FAM120A: variants seen among roughly 807,000 people sequenced by gnomAD.
FAM120A encodes constitutive coactivator of PPAR-gamma-like protein 1.
FAM120A carries 15 observed loss-of-function variants against 109.7 expected under a neutral mutation model. That is an observed-to-expected ratio of 0.14 (90% CI 0.09 to 0.21). FAM120A has a LOEUF of 0.21. Among genes scored for constraint, FAM120A ranks in the 10% least tolerant of loss-of-function variants. The pLI, the probability that FAM120A is intolerant of heterozygous loss-of-function variation, is 1.00. For missense variants in FAM120A, 899 were observed against 1,439.3 expected (o/e 0.62, Z 6.07); for synonymous variants, 493 against 572.8 (o/e 0.86, Z 1.99).
intron 7 of FAM120A, among the ~76,000 whole-genome samples, chr9:93,526,174 C>T (rs1301978239): frequency 8.5e-5 from 13 of 152,188 alleles, no homozygotes; most frequent in Non-Finnish European, 1.5e-5. Flanking sequence ...CCACAGCCAT[C>T]CCTGCCTCAG....
chr9:93,543,335 C>T lies in FAM120A; in HGVS notation c.2023C>T (p.Leu675=). The T allele has an allele frequency of 1.2e-6, 2 of 1,614,146 alleles. No homozygotes were observed. The highest frequency in any genetic ancestry group is 1.7e-6 in the Non-Finnish European group (2 of 1,180,034). ...GTGGACCTGCCCCAACCTGAAGAGG[C>T]TGTGGTTGGGTAAGGCGGTAGAGGA... ...REWTCPNLKR[L]WLGKAVEDKN... The change falls in exon 11 of 18, where the codon CTG becomes TTG. Residue 675 remains leucine, a synonymous_variant. Transcript: ENST00000277165.
At chr9:93,453,767 G>C (rs1857410689) in intron 1 of FAM120A, among the ~76,000 whole-genome samples, 1 of 152,184 alleles carries the variant, frequency 6.6e-6, no homozygotes, top group African/African-American at 2.4e-5. Flanking sequence ...TCGGAGCCTG[G>C]GGCGCTCAGG....
intron 11 of FAM120A, among the ~76,000 whole-genome samples, chr9:93,544,300 A>G (rs988813923): frequency 6.6e-6 from 1 of 152,174 alleles, no homozygotes; most frequent in Admixed American, 6.5e-5. Context: ...TCCCTGCTCC[A>G]GCATCAGCCA....
chr9:93,475,655 A>G (rs1858517414), intron 2 of FAM120A, among the ~76,000 whole-genome samples: 1 of 152,222 alleles, frequency 6.6e-6, no homozygotes, highest in African/African-American at 2.4e-5. Flanking sequence ...AGACTGTGAC[A>G]GCACTGGTGA....
At chr9:93,484,922 G>A (rs560293955) in intron 3 of FAM120A, among the ~76,000 whole-genome samples, 1 of 152,182 alleles carries the variant, frequency 6.6e-6, no homozygotes, top group Non-Finnish European at 1.5e-5. Flanking sequence ...TTTTAAATAA[G>A]CAGCATAATG....
chr9:93,505,295 C>A (rs565937112), intron 5 of FAM120A, among the ~76,000 whole-genome samples: 1 of 151,952 alleles, frequency 6.6e-6, no homozygotes, highest in Non-Finnish European at 1.5e-5. Context: ...CTCCTGACCT[C>A]GTGATCCGCC....
intron 7 of FAM120A, among the ~76,000 whole-genome samples, chr9:93,525,517 T>G (rs1358428696): frequency 1.3e-5 from 2 of 152,240 alleles, no homozygotes; most frequent in Non-Finnish European, 2.9e-5. Context: ...GAACACTTAT[T>G]GTTCTTTACA....
chr9:93,463,242 A>G (rs1055664834), intron 1 of FAM120A, among the ~76,000 whole-genome samples: 1 of 152,100 alleles, frequency 6.6e-6, no homozygotes, highest in Non-Finnish European at 1.5e-5. Flanking sequence ...TCAGTGTCTC[A>G]TTGTGGTTTT....
Position 93,532,874 on chromosome 9 carries a change from C to G in FAM120A, c.1909+545C>G, listed in dbSNP as rs1010724184. Among the ~76,000 whole-genome samples, 1 of 152,200 alleles carries G rather than the reference C, an allele frequency of 6.6e-6. No individual in the cohort carries two copies. The stretch of plus-strand genomic sequence containing the variant: ...CTCGGAATCCTCTGAGACCTGTGCA[C>G]TTCCAGCTGATCAACTCTGGGAGTG... On this transcript the variant is annotated intron_variant, in intron 10 of 17. Transcript: ENST00000277165. This position sits in a 1 kb window ranked among gnomAD's most constrained non-coding sequence, Gnocchi z 4.3.
intron 10 of FAM120A, among the ~76,000 whole-genome samples, chr9:93,538,114 T>G (rs560944505): frequency 6.6e-6 from 1 of 152,276 alleles, no homozygotes; most frequent in African/African-American, 2.4e-5. Context: ...ATAACATACA[T>G]GGAATGAGGA....
chr9:93,463,873 C>T (rs777388994), intron 1 of FAM120A, among the ~76,000 whole-genome samples: 2 of 152,158 alleles, frequency 1.3e-5, no homozygotes, highest in African/African-American at 2.4e-5. Flanking sequence ...TATAAAGAAA[C>T]CTTTTTACAT....
intron 12 of FAM120A, 84 bp from the exon 13 acceptor site, chr9:93,556,298 C>T: frequency 8.7e-7 from 1 of 1,153,446 alleles, no homozygotes; most frequent in Non-Finnish European, 1.3e-6. Flanking sequence ...ATTCTGTTAA[C>T]TTTGGAGAGT....
Position 93,469,512 on chromosome 9 carries a change from A to C in FAM120A, c.475-1629A>C, listed in dbSNP as rs138838497. Among the ~76,000 whole-genome samples, 373 of 152,344 alleles carry C rather than the reference A, an allele frequency of 2.4e-3. 1 individual carries two copies. The highest frequency in any genetic ancestry group is 8.3e-3 in the African/African-American group (346 of 41,578). On this transcript the variant is annotated intron_variant, in intron 1 of 17. Coordinates refer to ENST00000277165, the MANE Select transcript of FAM120A (RefSeq NM_014612.5). Reference sequence around the variant, plus strand: ...CTAATGATTTTAAAATAGTTTAAAAATCACTGTAAATGTAAAGTTGTACAT... The same window carrying C: ...CTAATGATTTTAAAATAGTTTAAAACTCACTGTAAATGTAAAGTTGTACAT...
intron 5 of FAM120A, among the ~76,000 whole-genome samples, chr9:93,506,263 T>C (rs1048787904): frequency 2.0e-5 from 3 of 152,216 alleles, no homozygotes; most frequent in Admixed American, 6.5e-5. Flanking sequence ...AAATCTTTAT[T>C]ATTGAGTGTA....
intron 2 of FAM120A, among the ~76,000 whole-genome samples, chr9:93,471,666 A>C (rs938282868): frequency 6.6e-6 from 1 of 152,248 alleles, no homozygotes. Context: ...GAAAACTAAC[A>C]TTCTAAATCA....
intron 10 of FAM120A, among the ~76,000 whole-genome samples, chr9:93,533,866 T>C (rs1457613727): frequency 6.6e-6 from 1 of 152,214 alleles, no homozygotes; most frequent in Non-Finnish European, 1.5e-5. Context: ...TTTTATTTGC[T>C]TGTGTGTTCT....
intron 3 of FAM120A, among the ~76,000 whole-genome samples, chr9:93,483,151 G>A (rs1588819985): frequency 6.6e-6 from 1 of 152,120 alleles, no homozygotes; most frequent in Non-Finnish European, 1.5e-5. Context: ...GTCATAGCAG[G>A]AGGGGGTAGT....
chr9:93,468,901 T>C (rs1372790442), intron 1 of FAM120A, among the ~76,000 whole-genome samples: 3 of 152,216 alleles, frequency 2.0e-5, no homozygotes, highest in African/African-American at 7.2e-5. Context: ...CTGACAGCAT[T>C]ACTTGAAAGC....
chr9:93,519,230 T>C (rs1860740307), intron 7 of FAM120A, among the ~76,000 whole-genome samples: 1 of 152,164 alleles, frequency 6.6e-6, no homozygotes, highest in African/African-American at 2.4e-5. Flanking sequence ...GAAATGTTTA[T>C]ATATATGTAT....
Sources: allele counts gnomAD v4.1 joint callset (sites outside exome capture counted in the v4.1 genomes callset), GRCh38; gene constraint gnomAD v4.1.1; non-coding constraint Gnocchi (gnomAD v3.1); transcripts MANE v1.5; gene names NCBI Gene and HGNC (gene_info 2026-07-23, HGNC 2026-07-21).